Variants in RIC8B observed in about 807,000 individuals in gnomAD.
RIC8B encodes the protein chaperone Ric-8B.
RIC8B carries 16 observed loss-of-function variants against 57.5 expected under a neutral mutation model. The ratio of observed to expected loss-of-function variants is 0.28; its 90% confidence interval spans 0.19 to 0.42. RIC8B has a LOEUF of 0.42. Ranked by LOEUF, RIC8B falls within the 10% of genes least tolerant of loss-of-function variation. The pLI is 1.00. For synonymous variants in RIC8B, 216 were observed against 250.8 expected, an observed-to-expected ratio of 0.86 and a Z score of 1.31; for missense variants, 481 against 677.0, an observed-to-expected ratio of 0.71 and a Z score of 3.21.
intron 2 of RIC8B, among the ~76,000 whole-genome samples, chr12:106,802,999 AG>A (rs1217894677): frequency 6.6e-6 from 1 of 151,982 alleles, no homozygotes; most frequent in Non-Finnish European, 1.5e-5. Context: ...TGCTTAATTA[AG>A]GCTTGGAGTT....
intron 2 of RIC8B, among the ~76,000 whole-genome samples, chr12:106,796,372 C>G (rs533090190): frequency 6.6e-6 from 1 of 152,082 alleles, no homozygotes; most frequent in East Asian, 1.9e-4. Context: ...ACCCCCACCC[C>G]CCTCCATCTC....
chr12:106,875,777 G>T (rs1950631515), intron 9 of RIC8B, among the ~76,000 whole-genome samples: 1 of 151,858 alleles, frequency 6.6e-6, no homozygotes, highest in South Asian at 2.1e-4. Flanking sequence ...TAGCCAATAA[G>T]TGTTTTGTTT....
At chr12:106,777,290 G>A (rs535749769) in intron 1 of RIC8B, among the ~76,000 whole-genome samples, 1 of 152,214 alleles carries the variant, frequency 6.6e-6, no homozygotes, top group Non-Finnish European at 1.5e-5. Flanking sequence ...GATTTTGAGA[G>A]CAGATGAATA....
intron 2 of RIC8B, among the ~76,000 whole-genome samples, chr12:106,789,216 C>T (rs1476381441): frequency 6.6e-6 from 1 of 152,190 alleles, no homozygotes; most frequent in Non-Finnish European, 1.5e-5. Flanking sequence ...CTGAGACCAC[C>T]TCATCCTGGA....
chr12:106,839,884 G>A (rs1487629146), intron 4 of RIC8B, among the ~76,000 whole-genome samples: 1 of 152,050 alleles, frequency 6.6e-6, no homozygotes, highest in African/African-American at 2.4e-5. Context: ...GGGGCATGGT[G>A]GCGTGTGCGT....
chr12:106,785,803 CTCTCTCTCTCTG>C (rs897472810), intron 2 of RIC8B, among the ~76,000 whole-genome samples: 53 of 126,886 alleles, frequency 4.2e-4, no homozygotes, highest in African/African-American at 1.4e-3. Flanking sequence ...CTCTCTCTCT[CTCTCTCTCTCTG>C]TGTGTGTGTG....
chr12:106,860,435 A>C, intron 8 of RIC8B, 23 bp downstream of exon 8: 1 of 1,504,784 alleles, frequency 6.6e-7, no homozygotes, highest in Non-Finnish European at 8.9e-7. Context: ...ATTTCTTTTC[A>C]CCTAACTATG....
chr12:106,845,431 C>A (rs1364576752), intron 6 of RIC8B, among the ~76,000 whole-genome samples: 1 of 152,114 alleles, frequency 6.6e-6, no homozygotes, highest in African/African-American at 2.4e-5. Context: ...ATCTTTCCAC[C>A]ATTGCATCTG....
At chr12:106,822,077 C>CA (rs67378158) in intron 3 of RIC8B, among the ~76,000 whole-genome samples, 2,918 of 38,060 alleles carry the variant, frequency 0.077, 372 homozygotes, top group African/African-American at 0.14. Context: ...GACTCCATCT[C>CA]AAAAAAAAAA....
chr12:106,880,112 G>C (rs542507410), intron 9 of RIC8B, among the ~76,000 whole-genome samples: 1 of 139,274 alleles, frequency 7.2e-6, no homozygotes, highest in Admixed American at 7.0e-5. Flanking sequence ...GAAATGGCCT[G>C]TTTATTGAGG....
chr12:106,874,770 C>T (rs553828210), intron 9 of RIC8B, among the ~76,000 whole-genome samples: 6 of 152,264 alleles, frequency 3.9e-5, no homozygotes, highest in Admixed American at 1.3e-4. Context: ...GAGATTAGTG[C>T]TCAGATATTT....
intron 9 of RIC8B, among the ~76,000 whole-genome samples, chr12:106,878,058 C>G (rs915905597): frequency 1.3e-5 from 2 of 152,110 alleles, no homozygotes; most frequent in Non-Finnish European, 2.9e-5. Context: ...TGTACCCAAT[C>G]CCAAAGCACA....
chr12:106,809,687 CAAAA>C (rs141764944), intron 2 of RIC8B, among the ~76,000 whole-genome samples: 4 of 149,466 alleles, frequency 2.7e-5, no homozygotes, highest in African/African-American at 9.8e-5. Flanking sequence ...AAATTTGAAA[CAAAA>C]AAAAAATTTA....
intron 2 of RIC8B, among the ~76,000 whole-genome samples, chr12:106,785,522 A>C (rs557390184): frequency 1.2e-4 from 19 of 152,310 alleles, no homozygotes; most frequent in African/African-American, 4.3e-4. Context: ...TGACATTTGG[A>C]GTGCCCAGCA....
chr12:106,886,493 C>A lies in RIC8B; in HGVS notation c.*478C>A, dbSNP rs533085126. ...CAGAACTCACCAAATGGAAGCCTAG[C>A]AGCTGCTCCATAAACCTAGCCCCAT... On this transcript the variant is annotated 3_prime_UTR_variant, in exon 10 of 10. Transcript: ENST00000392837. 6.5e-6 allele frequency: 1 copy of A among 153,754 alleles called. No individual in the cohort carries two copies. Among genetic ancestry groups the A allele is most frequent in the South Asian group, 2.0e-4 (1 of 4,884 alleles). 9.5% of individuals were successfully genotyped at this position (153,754 alleles called of 1,614,324 possible). A position where few individuals can be genotyped will look rare whatever the true frequency, so the allele number is the denominator to read the frequency against.
intron 8 of RIC8B, 109 bp downstream of exon 8, chr12:106,860,521 T>C: frequency 2.2e-6 from 2 of 918,370 alleles, no homozygotes; most frequent in East Asian, 6.3e-5. Context: ...ATTTGGAAAC[T>C]TTCCATTTAA....
chr12:106,817,917 C>T (rs180899846), intron 3 of RIC8B, among the ~76,000 whole-genome samples: 12 of 151,630 alleles, frequency 7.9e-5, no homozygotes, highest in East Asian at 3.9e-4. Context: ...CTTGATTGTC[C>T]GACAAAAGAC....
intron 2 of RIC8B, among the ~76,000 whole-genome samples, chr12:106,797,337 T>C (rs896871028): frequency 6.6e-6 from 1 of 152,256 alleles, no homozygotes; most frequent in Non-Finnish European, 1.5e-5. Context: ...AACTAACTGA[T>C]GCTGCTACAA....
intron 3 of RIC8B, chr12:106,823,535 A>C: frequency 2.2e-6 from 1 of 444,694 alleles, no homozygotes; most frequent in South Asian, 1.6e-5. Context: ...TCAGCATGAA[A>C]AGAGAAAGAT....
Sources: gnomAD v4.1 joint callset for allele counts (sites outside exome capture counted in the v4.1 genomes callset) on GRCh38, gnomAD v4.1.1 for gene constraint, MANE v1.5 for transcripts, NCBI Gene and HGNC (gene_info 2026-07-23, HGNC 2026-07-21) for gene names.